RAI14: variants seen among roughly 807,000 people sequenced by gnomAD.
RAI14 encodes the protein ankycorbin.
Under a neutral mutation model 115.4 loss-of-function variants are expected in RAI14, and 45 were observed. The ratio of observed to expected loss-of-function variants is 0.39; its 90% confidence interval spans 0.31 to 0.50. RAI14 has a LOEUF of 0.50. Among genes scored for constraint, RAI14 ranks in the 20% least tolerant of loss-of-function variants. RAI14 has a pLI of 0.85. For synonymous variants in RAI14, 371 were observed against 415.4 expected, an observed-to-expected ratio of 0.89 and a Z score of 1.30; for missense variants, 939 against 1,131.2, an observed-to-expected ratio of 0.83 and a Z score of 2.44.
chr5:34,671,842 G>A (rs1743641466), intron 1 of RAI14, among the ~76,000 whole-genome samples: 1 of 151,900 alleles, frequency 6.6e-6, no homozygotes, highest in Admixed American at 6.6e-5. Flanking sequence ...TGCCACATGT[G>A]GCTATAGTAT....
intron 6 of RAI14, among the ~76,000 whole-genome samples, chr5:34,808,281 T>C (rs1755161832): frequency 6.6e-6 from 1 of 152,240 alleles, no homozygotes; most frequent in African/African-American, 2.4e-5. Flanking sequence ...CTATGAGTGA[T>C]TAGATTTACA....
intron 4 of RAI14, among the ~76,000 whole-genome samples, chr5:34,800,176 A>G (rs1454669049): frequency 6.6e-6 from 1 of 152,146 alleles, no homozygotes; most frequent in East Asian, 1.9e-4. Flanking sequence ...TTTTCTAGCT[A>G]TCTTAAGAAT....
At chr5:34,747,092 T>TA (rs1401592392) in intron 2 of RAI14, among the ~76,000 whole-genome samples, 4 of 152,216 alleles carry the variant, frequency 2.6e-5, no homozygotes, top group Non-Finnish European at 4.4e-5. Context: ...CAGTCTCAGT[T>TA]ATGTCTTTAT....
At chr5:34,762,098 A>C (rs1057404707) in intron 3 of RAI14, among the ~76,000 whole-genome samples, 2 of 152,226 alleles carry the variant, frequency 1.3e-5, no homozygotes, top group African/African-American at 4.8e-5. Flanking sequence ...GGCCCAAAGG[A>C]GGCCTTCATT....
At chr5:34,738,499 C>T (rs1480141229) in intron 2 of RAI14, among the ~76,000 whole-genome samples, 1 of 152,144 alleles carries the variant, frequency 6.6e-6, no homozygotes, top group Non-Finnish European at 1.5e-5. Flanking sequence ...GCACTGGCTG[C>T]GCACACCTGT....
intron 4 of RAI14, among the ~76,000 whole-genome samples, chr5:34,802,820 G>A (rs946036660): frequency 6.6e-5 from 10 of 152,164 alleles, no homozygotes; most frequent in African/African-American, 2.2e-4. Flanking sequence ...AATTTGAAAC[G>A]AGAAAGTCAG....
At chr5:34,765,673 G>A (rs563490719) in intron 3 of RAI14, among the ~76,000 whole-genome samples, 1 of 152,312 alleles carries the variant, frequency 6.6e-6, no homozygotes, top group East Asian at 1.9e-4. Context: ...TTTGCAGCCT[G>A]ACTATTAGAT....
At chr5:34,698,432 CGT>C (rs1739612511) in intron 2 of RAI14, among the ~76,000 whole-genome samples, 1 of 151,792 alleles carries the variant, frequency 6.6e-6, no homozygotes, top group Non-Finnish European at 1.5e-5. Context: ...GGTCTCAAAA[CGT>C]CCCATCTAGT....
chr5:34,769,358 A>G (rs1024884105), intron 3 of RAI14, among the ~76,000 whole-genome samples: 1 of 152,128 alleles, frequency 6.6e-6, no homozygotes, highest in African/African-American at 2.4e-5. Flanking sequence ...AATTCTACAG[A>G]GTAGAATTTA....
chr5:34,797,150 G>T (rs557435593), intron 4 of RAI14, among the ~76,000 whole-genome samples: 2 of 152,244 alleles, frequency 1.3e-5, no homozygotes, highest in South Asian at 4.1e-4. Flanking sequence ...TTGTACTCGA[G>T]AATTTTTGGC....
At chr5:34,807,588 G>A (rs561684585) in intron 5 of RAI14, among the ~76,000 whole-genome samples, 1 of 152,226 alleles carries the variant, frequency 6.6e-6, no homozygotes, top group Non-Finnish European at 1.5e-5. Flanking sequence ...ACAGATAGGT[G>A]AAGCAGCAAA....
At chr5:34,708,201 G>GTTTTTTTTTTTTTTTTTTTT (rs146605112) in intron 2 of RAI14, among the ~76,000 whole-genome samples, 1 of 147,312 alleles carries the variant, frequency 6.8e-6, no homozygotes. Flanking sequence ...GGAACTTTGG[G>GTTTTTTTTTTTTTTTTTTTT]TTTTTGTTTT....
At chr5:34,726,307 A>G (rs1429146971) in intron 2 of RAI14, among the ~76,000 whole-genome samples, 2 of 152,228 alleles carry the variant, frequency 1.3e-5, no homozygotes, top group Non-Finnish European at 2.9e-5. Flanking sequence ...CAAAAGCTGT[A>G]CTGGAGGCAT....
chr5:34,680,418 C>T (rs566991141), intron 1 of RAI14, among the ~76,000 whole-genome samples: 47 of 152,282 alleles, frequency 3.1e-4, no homozygotes, highest in African/African-American at 1.1e-3. Flanking sequence ...TTTATAATAA[C>T]GGGCTCTGGC....
At chr5:34,685,890 G>C (rs914738721) in intron 1 of RAI14, 3 of 152,224 alleles carry the variant, frequency 2.0e-5, no homozygotes, top group Admixed American at 1.3e-4. Context: ...TGAAGTGATT[G>C]CTTAAGATTC....
At chr5:34,765,237 A>C (rs1749207283) in intron 3 of RAI14, among the ~76,000 whole-genome samples, 1 of 152,240 alleles carries the variant, frequency 6.6e-6, no homozygotes, top group South Asian at 2.1e-4. Flanking sequence ...CATTGCTGAA[A>C]AGATACATGA....
intron 3 of RAI14, among the ~76,000 whole-genome samples, chr5:34,765,572 T>C (rs141418034): frequency 2.1e-4 from 32 of 152,310 alleles, no homozygotes; most frequent in Non-Finnish European, 3.8e-4. Context: ...GCAGAATAAA[T>C]TTCTAAGTAG....
chr5:34,787,959 G>A (rs1320437385), intron 3 of RAI14, among the ~76,000 whole-genome samples: 1 of 114,328 alleles, frequency 8.7e-6, no homozygotes, highest in Non-Finnish European at 1.7e-5. Context: ...CGTCACCCAG[G>A]CTAGAGTGCA....
intron 2 of RAI14, among the ~76,000 whole-genome samples, chr5:34,695,467 G>A (rs1029836578): frequency 3.3e-5 from 5 of 152,196 alleles, no homozygotes; most frequent in Non-Finnish European, 7.3e-5. Context: ...GCTCTGTGCA[G>A]TGTGCTAGCC....
Sources: allele counts gnomAD v4.1 joint callset (sites outside exome capture counted in the v4.1 genomes callset), GRCh38; gene constraint gnomAD v4.1.1; transcripts MANE v1.5; gene names NCBI Gene and HGNC (gene_info 2026-07-23, HGNC 2026-07-21).